Variants in IL1RL1 observed in about 807,000 individuals in gnomAD.
The protein encoded by IL1RL1 is interleukin-1 receptor-like 1.
A neutral mutation model predicts 50.9 loss-of-function variants in IL1RL1; 32 were observed. The ratio of observed to expected loss-of-function variants is 0.63; its 90% CI spans 0.47 to 0.84. The LOEUF (loss-of-function observed/expected upper bound fraction) is 0.84, where lower values mean the gene tolerates loss of function less well. Ranked by LOEUF, IL1RL1 falls within the 40% of genes least tolerant of loss-of-function variation. The pLI, the probability that IL1RL1 is intolerant of heterozygous loss-of-function variation, is 0.00. For missense variants in IL1RL1, 773 were observed against 662.9 expected, an observed-to-expected ratio of 1.17 and a Z score of -1.82; for synonymous variants, 275 against 236.0, an observed-to-expected ratio of 1.17 and a Z score of -1.51.
intron 1 of IL1RL1, among the ~76,000 whole-genome samples, chr2:102,313,655 T>C (rs1239072709): frequency 1.3e-5 from 2 of 152,140 alleles, no homozygotes; most frequent in Non-Finnish European, 2.9e-5. Context: ...TTTCTGGGAG[T>C]GCAGAGGCAG....
intron 8 of IL1RL1, chr2:102,344,680 T>C (rs1677714719): frequency 1.3e-6 from 1 of 778,878 alleles, no homozygotes; most frequent in Non-Finnish European, 1.6e-6. Flanking sequence ...TAGCCAGTGC[T>C]CAGCTAAATA....
intron 1 of IL1RL1, among the ~76,000 whole-genome samples, chr2:102,318,773 C>T (rs1296488561): frequency 2.6e-5 from 4 of 152,064 alleles, no homozygotes; most frequent in Non-Finnish European, 2.9e-5. Context: ...AGAAATTGTT[C>T]CACTTTGACA....
intron 1 of IL1RL1, among the ~76,000 whole-genome samples, chr2:102,325,235 C>G (rs1371015666): frequency 6.6e-6 from 1 of 152,172 alleles, no homozygotes; most frequent in African/African-American, 2.4e-5. Context: ...GATACCCAGG[C>G]AAACAGGGTC....
intron 5 of IL1RL1, chr2:102,341,265 G>A: frequency 8.0e-7 from 1 of 1,250,724 alleles, no homozygotes; most frequent in Non-Finnish European, 1.0e-6. Context: ...TCTAATGAGA[G>A]GCTTTGTGAT....
chr2:102,324,517 T>C (rs1192697607), intron 1 of IL1RL1, among the ~76,000 whole-genome samples: 1 of 152,132 alleles, frequency 6.6e-6, no homozygotes, highest in Non-Finnish European at 1.5e-5. Context: ...GGACAGTGGG[T>C]GCAGAGCACT....
At chr2:102,331,712 A>C (rs1349164293) in intron 1 of IL1RL1, among the ~76,000 whole-genome samples, 1 of 152,190 alleles carries the variant, frequency 6.6e-6, no homozygotes, top group Non-Finnish European at 1.5e-5. Flanking sequence ...ATCCATATAT[A>C]AAAGCTTTAT....
At chr2:102,344,010 G>A (rs905228374) in intron 8 of IL1RL1, 99 of 629,022 alleles carry the variant, frequency 1.6e-4, no homozygotes, top group Non-Finnish European at 1.8e-4. Flanking sequence ...ATGAAAAGAG[G>A]TTTAATTGGC....
intron 1 of IL1RL1, among the ~76,000 whole-genome samples, chr2:102,321,939 C>G (rs1442165080): frequency 1.3e-5 from 2 of 152,162 alleles, no homozygotes; most frequent in African/African-American, 4.8e-5. Flanking sequence ...TTAGTCTTGT[C>G]ATTGATATGT....
chr2:102,337,455 A>G (rs1677368340), intron 1 of IL1RL1: 1 of 152,268 alleles, frequency 6.6e-6, no homozygotes, highest in Admixed American at 6.5e-5. Flanking sequence ...CTTATATTTT[A>G]AGAAAAGAAG....
rs1490863526 is a variant in IL1RL1, at chr2:102,343,433, G to A, written c.970+18G>A. 1.2e-6 allele frequency: 2 copies of A among 1,614,208 alleles called. No individual in the cohort carries two copies. The highest frequency in any genetic ancestry group is 2.2e-5 in the South Asian group (2 of 91,090). ...AAATCCAAGTAAGGAGTGTTTCTGAGACTTTGATCACCTGAACTTTCTCTA... is the reference window on the plus strand; with the variant it reads ...AAATCCAAGTAAGGAGTGTTTCTGAAACTTTGATCACCTGAACTTTCTCTA... On this transcript the variant is annotated intron_variant, in intron 8 of 10. Coordinates refer to ENST00000233954, the MANE Select transcript of IL1RL1 (RefSeq NM_016232.5).
At chr2:102,342,956 G>GTT in intron 6 of IL1RL1, 80 bp from the exon 7 acceptor site, 30 of 1,229,724 alleles carry the variant, frequency 2.4e-5, no homozygotes, top group South Asian at 9.1e-5. Context: ...GTTCAGTAAG[G>GTT]TTTTTTTTTT....
chr2:102,325,916 G>A (rs555469165), intron 1 of IL1RL1, among the ~76,000 whole-genome samples: 115 of 152,316 alleles, frequency 7.6e-4, no homozygotes, highest in African/African-American at 2.5e-3. Flanking sequence ...GAACCAAGTT[G>A]GAAAACACTC....
chr2:102,323,167 G>A (rs1440392180), intron 1 of IL1RL1, among the ~76,000 whole-genome samples: 3 of 150,940 alleles, frequency 2.0e-5, no homozygotes, highest in South Asian at 4.2e-4. Flanking sequence ...AGTGTTTTGT[G>A]GATATGTTTG....
In IL1RL1 at chr2:102,342,347, A is replaced by G. The variant is rs1054115455; in HGVS notation, c.682+53A>G. 31 of 1,255,968 alleles carry G rather than the reference A, an allele frequency of 2.5e-5. No individual in the cohort carries two copies. In the South Asian group the frequency reaches 3.6e-4, roughly 15 times the overall value. 77.8% of individuals were successfully genotyped at this position (1,255,968 alleles called of 1,614,324 possible). ...ATATTGCCTGGAAAAATCCTTCCAT[A>G]TGACCCCTGTTCTGAATTCCCTTAG... On this transcript the variant is annotated intron_variant, in intron 6 of 10. Coordinates refer to ENST00000233954, the MANE Select transcript of IL1RL1 (RefSeq NM_016232.5).
chr2:102,322,328 A>G (rs968527761), intron 1 of IL1RL1, among the ~76,000 whole-genome samples: 2 of 152,176 alleles, frequency 1.3e-5, no homozygotes, highest in Non-Finnish European at 2.9e-5. Context: ...TGCCTGTCCC[A>G]TTGCCCTTAA....
intron 1 of IL1RL1, among the ~76,000 whole-genome samples, chr2:102,328,032 G>A (rs1287609200): frequency 1.3e-5 from 2 of 152,126 alleles, no homozygotes; most frequent in Non-Finnish European, 2.9e-5. Flanking sequence ...TGATACCAAA[G>A]CCTGGCAGAG....
intron 10 of IL1RL1, among the ~76,000 whole-genome samples, chr2:102,349,534 T>C (rs1040894213): frequency 2.0e-5 from 3 of 152,122 alleles, no homozygotes; most frequent in African/African-American, 4.8e-5. Flanking sequence ...ATTCCCTTGG[T>C]CCCCCACCAG....
chr2:102,315,683 G>T (rs1676655391), intron 1 of IL1RL1, among the ~76,000 whole-genome samples: 1 of 152,102 alleles, frequency 6.6e-6, no homozygotes, highest in Non-Finnish European at 1.5e-5. Context: ...AATCTGAGCT[G>T]CTTTGTGCAC....
intron 1 of IL1RL1, among the ~76,000 whole-genome samples, chr2:102,330,388 C>T (rs879705965): frequency 2.6e-5 from 4 of 151,954 alleles, no homozygotes; most frequent in African/African-American, 4.8e-5. Flanking sequence ...ATACCTAATC[C>T]TAAATGACAA....
Sources: gnomAD v4.1 joint callset for allele counts (sites outside exome capture counted in the v4.1 genomes callset) on GRCh38, gnomAD v4.1.1 for gene constraint, MANE v1.5 for transcripts, NCBI Gene and HGNC (gene_info 2026-07-23, HGNC 2026-07-21) for gene names.